Variants in VTI1A observed in about 807,000 individuals in gnomAD.
VTI1A encodes vesicle transport through interaction with t-SNAREs 1A, also known as vesicle transport through interaction with t-SNAREs homolog 1A.
Under a neutral mutation model 34.9 loss-of-function variants are expected in VTI1A, and 22 were observed. The observed-to-expected ratio is 0.63, with a 90% CI of 0.45 to 0.90. The LOEUF (loss-of-function observed/expected upper bound fraction) is 0.90. Ranked by LOEUF, VTI1A falls within the 40% of genes least tolerant of loss-of-function variation. The pLI is 0.00. For synonymous variants in VTI1A, 87 were observed against 97.3 expected (o/e 0.89, Z 0.62); for missense variants, 268 against 275.6 (o/e 0.97, Z 0.20).
At chr10:112,483,986 C>G (rs191335526) in intron 3 of VTI1A, among the ~76,000 whole-genome samples, 1 of 152,194 alleles carries the variant, frequency 6.6e-6, no homozygotes, top group Non-Finnish European at 1.5e-5. Flanking sequence ...AAATCATGCT[C>G]CGTTATAGCA....
intron 5 of VTI1A, among the ~76,000 whole-genome samples, chr10:112,605,335 G>T (rs925642058): frequency 5.9e-5 from 9 of 152,192 alleles, no homozygotes; most frequent in Non-Finnish European, 1.3e-4. Context: ...GAGAGGGAAA[G>T]AAATTTACAG....
At chr10:112,572,730 C>T (rs951700696) in intron 5 of VTI1A, among the ~76,000 whole-genome samples, 16 of 150,942 alleles carry the variant, frequency 1.1e-4, no homozygotes, top group Admixed American at 8.6e-4. Context: ...CCCAGCTACT[C>T]GGGAGGCTGA....
intron 7 of VTI1A, among the ~76,000 whole-genome samples, chr10:112,723,282 C>T (rs1408399997): frequency 6.6e-6 from 1 of 152,136 alleles, no homozygotes; most frequent in Non-Finnish European, 1.5e-5. Flanking sequence ...GTGCTCTTCC[C>T]TGTACAGGAC....
chr10:112,536,444 T>C (rs1339951639), intron 4 of VTI1A, among the ~76,000 whole-genome samples: 1 of 152,160 alleles, frequency 6.6e-6, no homozygotes, highest in Non-Finnish European at 1.5e-5. Context: ...CTTAGTAAAG[T>C]GTTTAATTTT....
intron 5 of VTI1A, among the ~76,000 whole-genome samples, chr10:112,660,960 GAA>G (rs1193581045): frequency 6.6e-6 from 1 of 152,068 alleles, no homozygotes; most frequent in African/African-American, 2.4e-5. Context: ...AAGAGAAAAA[GAA>G]ATGTTTTTAT....
Position 112,638,248 on chromosome 10 carries a change from C to T in VTI1A, c.428-29970C>T, listed in dbSNP as rs976551922. On this transcript the variant is annotated intron_variant, in intron 5 of 7. Coordinates refer to ENST00000393077, the MANE Select transcript of VTI1A (RefSeq NM_145206.4). ...ATAGTAACTTCCAGCCTAGGCTGAT[C>T]GATATCGGTGCAAAGCTTTACATGG... 6.6e-5 allele frequency among the ~76,000 whole-genome samples: 10 copies of T among 152,104 alleles called. No individual in the cohort carries two copies. In the East Asian group the frequency reaches 1.3e-3, roughly 21 times the overall value.
intron 7 of VTI1A, among the ~76,000 whole-genome samples, chr10:112,764,568 G>C (rs11196093): frequency 0.18 from 27,188 of 152,008 alleles, 3,328 homozygotes; most frequent in African/African-American, 0.35. Flanking sequence ...CCACCATACT[G>C]ACACCATTAA....
At chr10:112,542,658 A>T (rs1364713027) in intron 5 of VTI1A, among the ~76,000 whole-genome samples, 1 of 152,228 alleles carries the variant, frequency 6.6e-6, no homozygotes, top group African/African-American at 2.4e-5. Context: ...AATATGGGCC[A>T]CACACTGTTT....
At chr10:112,803,730 C>T (rs1013538478) in intron 7 of VTI1A, among the ~76,000 whole-genome samples, 1 of 152,148 alleles carries the variant, frequency 6.6e-6, no homozygotes, top group South Asian at 2.1e-4. Flanking sequence ...CGTGCCACTG[C>T]ACACCAGCCT....
At chr10:112,569,959 G>A (rs1459564068) in intron 5 of VTI1A, among the ~76,000 whole-genome samples, 1 of 152,200 alleles carries the variant, frequency 6.6e-6, no homozygotes, top group Non-Finnish European at 1.5e-5. Flanking sequence ...TTTCTCTAGA[G>A]AAATGTCTTT....
intron 5 of VTI1A, among the ~76,000 whole-genome samples, chr10:112,617,004 AT>A (rs1288887435): frequency 6.6e-6 from 1 of 152,208 alleles, no homozygotes; most frequent in Non-Finnish European, 1.5e-5. Flanking sequence ...ATATCTGAGA[AT>A]TTTCCAAGTC....
chr10:112,818,189 C>T lies in VTI1A; in HGVS notation c.*2806C>T, dbSNP rs1853578476. 2 of 233,316 alleles carry T rather than the reference C, an allele frequency of 8.6e-6. No individual in the cohort carries two copies. Among genetic ancestry groups the T allele is most frequent in the Non-Finnish European group, 1.7e-5 (2 of 117,886 alleles). 14.5% of individuals were successfully genotyped at this position (233,316 alleles called of 1,614,324 possible). A position where few individuals can be genotyped will look rare whatever the true frequency, so the allele number is the denominator to read the frequency against. ...TTTGCTACTGCTTCTGAGCCCTGAG[C>T]TTCAAAGGCTGAAATTAATGGTGAA... On this transcript the variant is annotated 3_prime_UTR_variant, in exon 8 of 8. Transcript: ENST00000393077.
At chr10:112,604,782 G>A (rs1434746890) in intron 5 of VTI1A, among the ~76,000 whole-genome samples, 1 of 152,074 alleles carries the variant, frequency 6.6e-6, no homozygotes, top group Non-Finnish European at 1.5e-5. Context: ...TTTATGATCT[G>A]GTGACCTTGT....
rs34173451 is a variant in VTI1A, at chr10:112,619,063, GT to G, written c.428-49140del. Among the ~76,000 whole-genome samples, 67 of 146,236 alleles carry G rather than the reference GT, an allele frequency of 4.6e-4. 1 individual carries two copies. The highest frequency in any genetic ancestry group is 1.6e-3 in the East Asian group (8 of 4,992). ...CGTGCCTGGCACATTAGTAAACACA[GT>G]TTTTTTTTTTTTTTAAGGAACTAAT... On this transcript the variant is annotated intron_variant, in intron 5 of 7. Coordinates refer to ENST00000393077, the MANE Select transcript of VTI1A (RefSeq NM_145206.4).
At chr10:112,702,519 A>G (rs1403029814) in intron 7 of VTI1A, among the ~76,000 whole-genome samples, 1 of 152,156 alleles carries the variant, frequency 6.6e-6, no homozygotes, top group Non-Finnish European at 1.5e-5. Flanking sequence ...TCCCAAGTTC[A>G]AGTGATTCTT....
the VTI1A span, chr10:112,824,373 C>G: frequency 6.6e-6 from 1 of 152,302 alleles, no homozygotes; most frequent in Non-Finnish European, 1.5e-5. Flanking sequence ...GTCAGGAGTT[C>G]GAGACCAGCC....
intron 7 of VTI1A, among the ~76,000 whole-genome samples, chr10:112,773,038 G>A (rs1282623533): frequency 2.0e-5 from 3 of 152,200 alleles, no homozygotes; most frequent in Admixed American, 6.5e-5. Flanking sequence ...CAATAAGGTC[G>A]TGATTTAGTC....
At chr10:112,791,597 A>C (rs1234112204) in intron 7 of VTI1A, among the ~76,000 whole-genome samples, 2 of 152,164 alleles carry the variant, frequency 1.3e-5, no homozygotes, top group Non-Finnish European at 2.9e-5. Context: ...AATTGCTGCC[A>C]AGAAAACCAG....
chr10:112,531,063 T>TCA (rs10670312), intron 4 of VTI1A, among the ~76,000 whole-genome samples: 19,230 of 139,638 alleles, frequency 0.14, 1,226 homozygotes, highest in Middle Eastern at 0.15. Context: ...GTGACACACC[T>TCA]CACACACACA....
Sources: gnomAD v4.1 joint callset for allele counts (sites outside exome capture counted in the v4.1 genomes callset) on GRCh38, gnomAD v4.1.1 for gene constraint, MANE v1.5 for transcripts, NCBI Gene and HGNC (gene_info 2026-07-23, HGNC 2026-07-21) for gene names.